The following THOC7 variants were observed in gnomAD, a reference collection of about 807,000 sequenced individuals.
The protein encoded by THOC7 is NIF3L1-binding protein 1.
In THOC7, 22 loss-of-function variants were observed where a neutral mutation model predicts 33.1. That is an observed-to-expected ratio of 0.66 (90% confidence interval 0.47 to 0.95). The LOEUF (loss-of-function observed/expected upper bound fraction) is 0.95. Ranked by LOEUF, THOC7 falls within the 40% of genes least tolerant of loss-of-function variation. THOC7 has a pLI of 0.00. For missense variants in THOC7, 184 were observed against 245.3 expected, an observed-to-expected ratio of 0.75 and a Z score of 1.67; for synonymous variants, 77 against 76.8, an observed-to-expected ratio of 1.00 and a Z score of -0.01.
intron 1 of THOC7, among the ~76,000 whole-genome samples, chr3:63,859,140 C>T (rs950407227): frequency 1.3e-5 from 2 of 152,218 alleles, no homozygotes; most frequent in Non-Finnish European, 1.5e-5. Context: ...ACTAACATCG[C>T]TCTAATCCAA....
chr3:63,842,247 C>T (rs1003750257), intron 1 of THOC7, among the ~76,000 whole-genome samples: 4 of 152,016 alleles, frequency 2.6e-5, no homozygotes, highest in African/African-American at 9.7e-5. Flanking sequence ...AAATGCAAAT[C>T]AAAACCACAG....
intron 3 of THOC7, 91 bp from the exon 4 acceptor site, chr3:63,838,153 G>A (rs1450632563): frequency 3.3e-6 from 4 of 1,220,534 alleles, no homozygotes; most frequent in Admixed American, 2.4e-5. Flanking sequence ...ACCTCTATTG[G>A]TAACAAAATA....
At chr3:63,859,809 C>T (rs1050857534) in intron 1 of THOC7, among the ~76,000 whole-genome samples, 3 of 152,096 alleles carry the variant, frequency 2.0e-5, no homozygotes, top group African/African-American at 7.2e-5. Context: ...TTGATTTTTT[C>T]AAAAGCTCAG....
At chr3:63,839,605 C>A (rs781613067) in intron 2 of THOC7, 51 bp downstream of exon 2, 6 of 1,524,156 alleles carry the variant, frequency 3.9e-6, no homozygotes, top group East Asian at 4.5e-5. Flanking sequence ...AATATAGGGC[C>A]TAAAATCACA....
chr3:63,836,289 C>T lies in THOC7; in HGVS notation c.410+12G>A. 6.2e-7 allele frequency: 1 copy of T among 1,610,650 alleles called. No individual in the cohort carries two copies. Among genetic ancestry groups the T allele is most frequent in the Middle Eastern group, 1.7e-4 (1 of 6,042 alleles). On this transcript the variant is annotated intron_variant, in intron 5 of 7. Transcript: ENST00000295899. ...AAGGTTAGTTCCTTTCAAAGTAAAG[C>T]TCTACACTTACTTTAATGTCTCATG...
upstream of THOC7, chr3:63,863,887 G>C (rs1163612015): frequency 1.7e-6 from 2 of 1,151,350 alleles, no homozygotes; most frequent in Non-Finnish European, 2.1e-6. Context: ...CGGGTAAACA[G>C]CCATGGAGGA....
At chr3:63,848,185 T>C (rs1271140292) in intron 1 of THOC7, among the ~76,000 whole-genome samples, 1 of 152,222 alleles carries the variant, frequency 6.6e-6, no homozygotes, top group Non-Finnish European at 1.5e-5. Context: ...TCCCCTTCCC[T>C]TTCCAGGTCT....
At chr3:63,853,783 C>T (rs1702060405) in intron 1 of THOC7, among the ~76,000 whole-genome samples, 1 of 151,944 alleles carries the variant, frequency 6.6e-6, no homozygotes, top group Admixed American at 6.6e-5. Context: ...TGGCGGGCGC[C>T]TGTAGTCCCA....
intron 1 of THOC7, among the ~76,000 whole-genome samples, chr3:63,843,283 T>C (rs1455425837): frequency 6.6e-6 from 1 of 151,920 alleles, no homozygotes; most frequent in Non-Finnish European, 1.5e-5. Flanking sequence ...CATGCCCAGC[T>C]AATTTTGTAT....
chr3:63,846,054 T>A, intron 1 of THOC7: 2 of 225,648 alleles, frequency 8.9e-6, no homozygotes, highest in South Asian at 4.5e-5. Flanking sequence ...TTTAAAAAGA[T>A]TCACTGTAAA....
chr3:63,837,512 A>C, intron 4 of THOC7, among the ~76,000 whole-genome samples: 1 of 152,064 alleles, frequency 6.6e-6, no homozygotes, highest in East Asian at 1.9e-4. Context: ...TAGGCAGTCT[A>C]GAAATGTTTG....
chr3:63,863,948 G>T, upstream of THOC7: 1 of 75,732 alleles, frequency 1.3e-5, no homozygotes, highest in Non-Finnish European at 2.7e-5. Context: ...GCCGCGCCGC[G>T]CCGCGCCGCC....
chr3:63,863,943 G>T, upstream of THOC7: 3 of 135,234 alleles, frequency 2.2e-5, no homozygotes, highest in African/African-American at 3.2e-5. Context: ...CCTGAGCCGC[G>T]CCGCGCCGCG....
intron 1 of THOC7, among the ~76,000 whole-genome samples, chr3:63,846,412 T>G (rs1431734557): frequency 1.3e-5 from 2 of 152,020 alleles, no homozygotes; most frequent in Admixed American, 6.6e-5. Flanking sequence ...TATTTAAAAA[T>G]TTTTATTTTT....
intron 1 of THOC7, among the ~76,000 whole-genome samples, chr3:63,854,247 TC>T (rs1418571874): frequency 6.6e-6 from 1 of 152,228 alleles, no homozygotes; most frequent in Admixed American, 6.5e-5. Flanking sequence ...TAGCCTCTGT[TC>T]TTTTTAAATT....
intron 1 of THOC7, chr3:63,860,850 GC>G (rs1358107112): frequency 2.0e-5 from 3 of 152,134 alleles, no homozygotes. Flanking sequence ...GCAGCAATAT[GC>G]ATAAAATAAT....
chr3:63,835,495 G>T, intron 5 of THOC7, 105 bp from the exon 6 acceptor site: 1 of 986,078 alleles, frequency 1.0e-6, no homozygotes. Flanking sequence ...AATAAAAAAA[G>T]GGCTTATAAG....
intron 4 of THOC7, among the ~76,000 whole-genome samples, chr3:63,837,575 T>G (rs1227080948): frequency 6.6e-6 from 1 of 152,018 alleles, no homozygotes; most frequent in African/African-American, 2.4e-5. Flanking sequence ...CCATTTCATT[T>G]TTTGGAAAGT....
intron 4 of THOC7, among the ~76,000 whole-genome samples, chr3:63,836,916 G>GATTTACTTAAA (rs1701646459): frequency 1.3e-5 from 2 of 151,616 alleles, no homozygotes; most frequent in African/African-American, 4.8e-5. Context: ...TGAGTGGCAG[G>GATTTACTTAAA]ATTTACTTAA....
Sources: gnomAD v4.1 joint callset for allele counts (sites outside exome capture counted in the v4.1 genomes callset) on GRCh38, gnomAD v4.1.1 for gene constraint, MANE v1.5 for transcripts, NCBI Gene and HGNC (gene_info 2026-07-23, HGNC 2026-07-21) for gene names.